CCDC194: variants seen among roughly 807,000 people sequenced by gnomAD.
CCDC194 encodes coiled-coil domain containing 194, also known as coiled-coil domain-containing protein 194.
In CCDC194, 8 loss-of-function variants were observed where a neutral mutation model predicts 4.9. That is an observed-to-expected ratio of 1.65 (90% CI 0.97 to 2.97). The LOEUF (loss-of-function observed/expected upper bound fraction) is 2.97. Among genes scored for constraint, CCDC194 ranks in the 30% most tolerant of loss-of-function variants. The pLI is 0.00. For synonymous variants in CCDC194, 13 were observed against 17.0 expected (o/e 0.76, Z 0.58); for missense variants, 52 against 43.1 (o/e 1.21, Z -0.58).
intron 3 of CCDC194, 108 bp downstream of exon 3, chr19:17,391,101 CAA>C (rs2074652730): frequency 8.8e-6 from 3 of 340,490 alleles, no homozygotes; most frequent in Non-Finnish European, 5.3e-6. Context: ...CCCCCCACCA[CAA>C]TTCCACGCCC....
chr19:17,392,584 C>T (rs1304770041), intron 1 of CCDC194, among the ~76,000 whole-genome samples: 2 of 152,210 alleles, frequency 1.3e-5, no homozygotes, highest in Non-Finnish European at 1.5e-5. Flanking sequence ...TTCTGCAAAA[C>T]GACTGGTTCG....
exon 3 of CCDC194, chr19:17,391,268 A>G: frequency 2.4e-6 from 1 of 408,884 alleles, no homozygotes; most frequent in Non-Finnish European, 4.3e-6. Context: ...GGCCTCCGCC[A>G]CGCCTGCGCG....
exon 2 of CCDC194, chr19:17,391,774 C>T (rs915518771): frequency 2.6e-6 from 4 of 1,535,730 alleles, no homozygotes; most frequent in Non-Finnish European, 2.6e-6. Context: ...TTCTCGGCCC[C>T]CATCTGGGTC....
chr19:17,391,923 CAGTG>C, intron 1 of CCDC194, 77 bp from the exon 2 acceptor site: 1 of 1,320,026 alleles, frequency 7.6e-7, no homozygotes, highest in East Asian at 2.7e-5. Flanking sequence ...CTTTTGGGGA[CAGTG>C]AGAAGCCACC....
upstream of CCDC194, chr19:17,394,181 C>T: frequency 2.6e-6 from 1 of 390,520 alleles, no homozygotes; most frequent in African/African-American, 2.1e-5. Context: ...AGCTCTGGCC[C>T]CAGACGGCCA....
intron 3 of CCDC194, among the ~76,000 whole-genome samples, chr19:17,391,008 G>C (rs2074652112): frequency 2.0e-5 from 3 of 151,864 alleles, no homozygotes; most frequent in African/African-American, 7.3e-5. Context: ...GCCCGCCCCA[G>C]CCTGGAATCC....
rs1187878119 is a variant in CCDC194 at position 17,391,200 on chromosome 19, C to T, written c.554+11G>A. 2 of 398,988 alleles carry T rather than the reference C, an allele frequency of 5.0e-6. No homozygotes were observed. Among genetic ancestry groups the T allele is most frequent in the East Asian group, 7.1e-5 (2 of 28,028 alleles). 24.7% of individuals were successfully genotyped at this position (398,988 alleles called of 1,614,324 possible). ...CATCCGACCCCGCCCTCGGGCCAGC[C>T]CCTCACTCACAGGCGTTCGCGCAGC... On this transcript the variant is annotated intron_variant, in intron 3 of 3. Transcript: ENST00000636079.
exon 1 of CCDC194, chr19:17,393,898 C>A (rs2074664276): frequency 1.3e-5 from 5 of 397,482 alleles, no homozygotes; most frequent in Non-Finnish European, 2.2e-5. Flanking sequence ...CCGCCTGGTC[C>A]AGCTGCCTGG....
At chr19:17,391,221 G>A in exon 3 of CCDC194, 1 of 399,888 alleles carries the variant, frequency 2.5e-6, no homozygotes, top group Non-Finnish European at 4.4e-6. Context: ...AGGCGTTCGC[G>A]CAGCGCCGCC....
intron 2 of CCDC194, 81 bp downstream of exon 2, chr19:17,391,669 A>T: frequency 1.4e-5 from 22 of 1,534,960 alleles, no homozygotes; most frequent in Non-Finnish European, 1.9e-5. Flanking sequence ...TACGTTTGCA[A>T]CTGTGCTTGT....
chr19:17,391,787 C>T (rs1163553211), exon 2 of CCDC194: 1 of 1,535,672 alleles, frequency 6.5e-7, no homozygotes, highest in African/African-American at 1.4e-5. Flanking sequence ...TCTGGGTCCC[C>T]TGTGCCTTGG....
At chr19:17,391,301 C>A (rs1190823895) in exon 3 of CCDC194, 1 of 424,488 alleles carries the variant, frequency 2.4e-6, no homozygotes. Flanking sequence ...GTCCAGCCGC[C>A]GCGTAGACTC....
chr19:17,394,024 T>C (rs1446986551), exon 1 of CCDC194: 2 of 389,892 alleles, frequency 5.1e-6, no homozygotes, highest in Non-Finnish European at 9.1e-6. Context: ...GGCAGCGAGG[T>C]CCCCGAGCAG....
exon 1 of CCDC194, chr19:17,393,877 C>T (rs1053953375): frequency 1.1e-4 from 44 of 397,650 alleles, no homozygotes; most frequent in Admixed American, 1.8e-4. Flanking sequence ...CCAACTCGTG[C>T]CGGATACTTT....
chr19:17,391,822 T>C (rs1323790582), exon 2 of CCDC194: 1 of 1,534,454 alleles, frequency 6.5e-7, no homozygotes, highest in Non-Finnish European at 8.7e-7. Context: ...ATCTTCAGTG[T>C]CGTTAGTTGG....
chr19:17,393,038 G>A (rs1447098082), intron 1 of CCDC194, among the ~76,000 whole-genome samples: 2 of 152,174 alleles, frequency 1.3e-5, no homozygotes, highest in African/African-American at 2.4e-5. Context: ...TGGGAGGTTG[G>A]GGTGGAATGG....
At chr19:17,391,940 C>A (rs1377459519) in intron 1 of CCDC194, 94 bp from the exon 2 acceptor site, 4 of 1,158,154 alleles carry the variant, frequency 3.5e-6, no homozygotes, top group African/African-American at 1.6e-5. Context: ...AAGCCACCTG[C>A]GACCCTGTGT....
chr19:17,393,437 G>A (rs1221570563), intron 1 of CCDC194, among the ~76,000 whole-genome samples: 2 of 144,590 alleles, frequency 1.4e-5, no homozygotes, highest in Non-Finnish European at 1.5e-5. Context: ...CACCCAGGCT[G>A]GAGTGCAGTG....
intron 1 of CCDC194, 57 bp from the exon 2 acceptor site, chr19:17,391,903 C>T (rs2074656239): frequency 4.9e-6 from 7 of 1,421,322 alleles, no homozygotes; most frequent in Non-Finnish European, 5.5e-6. Context: ...AGGAGTGATT[C>T]GGCCTGGCCC....
Sources: gnomAD v4.1 joint callset for allele counts (sites outside exome capture counted in the v4.1 genomes callset) on GRCh38, gnomAD v4.1.1 for gene constraint, MANE v1.5 for transcripts, NCBI Gene and HGNC (gene_info 2026-07-23, HGNC 2026-07-21) for gene names.